Variants in MYO15B observed in about 807,000 individuals in gnomAD.
MYO15B encodes the protein myosin XVB.
Under a neutral mutation model 119.3 loss-of-function variants are expected in MYO15B, and 207 were observed. The observed-to-expected ratio is 1.73, with a 90% CI of 1.55 to 1.95. The LOEUF is 1.95. Ranked by LOEUF, MYO15B falls within the 30% of genes most tolerant of loss-of-function variation. The pLI is 0.00. For missense variants in MYO15B, 2,264 were observed against 1,203.1 expected, an observed-to-expected ratio of 1.88 and a Z score of -13.04; for synonymous variants, 966 against 498.9, an observed-to-expected ratio of 1.94 and a Z score of -12.48.
At chr17:75,625,869 C>T (rs968887005) in exon 62 of MYO15B, 15 of 703,002 alleles carry the variant, frequency 2.1e-5, no homozygotes, top group South Asian at 5.9e-5. Context: ...TGCCCCTCTT[C>T]GGCTACACCG....
At chr17:75,619,246 G>A (rs369909978) in intron 44 of MYO15B, 28 bp downstream of exon 44, 1 of 702,792 alleles carries the variant, frequency 1.4e-6, no homozygotes, top group Non-Finnish European at 2.6e-6. Flanking sequence ...ATGGAGTTGG[G>A]AGCTTGAGTG....
At position 75,603,346 on chromosome 17, in the gene MYO15B, G is replaced by A. The variant is rs1326254515; in HGVS notation, c.4016+34G>A. 5.7e-6 allele frequency: 4 copies of A among 701,168 alleles called. No individual in the cohort carries two copies. In the African/African-American group the frequency reaches 7.0e-5, roughly 12 times the overall value. The allele number at this position is 701,168 out of a possible 1,614,324, so 43.4% of individuals were successfully genotyped here. ...CAGCACCTCGGGGCAGGACTGACAA[G>A]GAGGCCACCGGGAGTGACTGGCAGC... On this transcript the variant is annotated intron_variant, in intron 19 of 63. Transcript: ENST00000645453.
exon 41 of MYO15B, chr17:75,617,115 C>T (rs1173586453): frequency 1.5e-6 from 1 of 677,704 alleles, no homozygotes; most frequent in Non-Finnish European, 2.7e-6. Flanking sequence ...AAAGGGCCCC[C>T]CGCCAGCTGT....
At chr17:75,595,680 T>C (rs2056811526) in intron 12 of MYO15B, among the ~76,000 whole-genome samples, 2 of 152,170 alleles carry the variant, frequency 1.3e-5, no homozygotes, top group Admixed American at 1.3e-4. Context: ...CGTGGCCTTG[T>C]AGAGACGCAG....
rs186114473 is a variant in MYO15B, at chr17:75,614,473, C to T, written c.5382-110C>T. 25 of 663,584 alleles carry T rather than the reference C, an allele frequency of 3.8e-5. No individual in the cohort carries two copies. In the African/African-American group the frequency reaches 4.1e-4, roughly 11 times the overall value. The allele number at this position is 663,584 out of a possible 1,614,324, so 41.1% of individuals were successfully genotyped here. A position where few individuals can be genotyped will look rare whatever the true frequency, so the allele number is the denominator to read the frequency against. The stretch of plus-strand genomic sequence containing the variant: ...CTGCCACAGGCCCAGCCCTCCCACC[C>T]AGCCTCCTCCCAACCATGGGGTGAC... On this transcript the variant is annotated intron_variant, in intron 30 of 63. Coordinates refer to ENST00000645453, the Ensembl canonical transcript of MYO15B.
At chr17:75,621,689 CT>C (rs575884332) in intron 52 of MYO15B, 119 bp downstream of exon 52, 4 of 624,998 alleles carry the variant, frequency 6.4e-6, no homozygotes, top group South Asian at 5.4e-5. Context: ...CTCCGGGAAG[CT>C]CACTGGTGGT....
chr17:75,621,702 C>T (rs1408023100), intron 52 of MYO15B, 132 bp downstream of exon 52: 3 of 615,840 alleles, frequency 4.9e-6, no homozygotes, highest in Non-Finnish European at 8.8e-6. Flanking sequence ...ACTGGTGGTT[C>T]CTGGACCCCA....
chr17:75,615,018 C>A, exon 33 of MYO15B: 1 of 702,948 alleles, frequency 1.4e-6, no homozygotes, highest in Non-Finnish European at 2.6e-6. Context: ...CGCCATTGGG[C>A]CCACACAGCA....
exon 37 of MYO15B, chr17:75,616,102 C>A: frequency 1.7e-6 from 1 of 573,946 alleles, no homozygotes; most frequent in Non-Finnish European, 3.1e-6. Context: ...CAGGCCCTAT[C>A]AGCCCAAGAG....
chr17:75,608,063 T>G (rs375680124), intron 21 of MYO15B, among the ~76,000 whole-genome samples: 1 of 152,140 alleles, frequency 6.6e-6, no homozygotes, highest in East Asian at 1.9e-4. Flanking sequence ...TCTCAGACAT[T>G]AGTGCCACTC....
At position 75,594,597 on chromosome 17, in the gene MYO15B, G is replaced by A. The variant is rs886843244; in HGVS notation, c.3105+9G>A. 5 of 678,202 alleles carry A rather than the reference G, an allele frequency of 7.4e-6. No individual in the cohort carries two copies. The highest frequency in any genetic ancestry group is 1.8e-5 in the African/African-American group (1 of 56,602). 42.0% of individuals were successfully genotyped at this position (678,202 alleles called of 1,614,324 possible). ...TCACCAGGAGGGTCACGGTGAGCCC[G>A]AGGGTCCTGGGGAGAGGGGCCTGGC... On this transcript the variant is annotated intron_variant, in intron 10 of 63. Transcript: ENST00000645453.
At chr17:75,600,579 T>A (rs139324155) in intron 14 of MYO15B, 3 of 147,938 alleles carry the variant, frequency 2.0e-5, no homozygotes, top group African/African-American at 7.3e-5. Flanking sequence ...ATGTTACTTT[T>A]TTCTTTTCTT....
chr17:75,607,098 A>T (rs112488909), intron 21 of MYO15B: 5 of 396,122 alleles, frequency 1.3e-5, no homozygotes, highest in Admixed American at 4.4e-5. Context: ...CCCAGAGAGT[A>T]ACTCGAGGGC....
rs777535037 is a variant in MYO15B at position 75,619,805 on chromosome 17, C to T, written c.7301+6C>T. The T allele has an allele frequency of 6.5e-5, 46 of 702,724 alleles. No individual in the cohort carries two copies. Among genetic ancestry groups the T allele is most frequent in the South Asian group, 6.5e-4 (44 of 67,592 alleles). 43.5% of individuals were successfully genotyped at this position (702,724 alleles called of 1,614,324 possible). On this transcript the variant is annotated splice_donor_region_variant and intron_variant, in intron 46 of 63. Transcript: ENST00000645453. ...AAGATTCTCTGCTCATACAGGTGCG[C>T]TAGCCCACGACCCTGGGCTAGAGGT...
rs1443615303 is a variant in MYO15B, at chr17:75,618,122, C to T, written c.6928-4C>T. On this transcript the variant is annotated splice_polypyrimidine_tract_variant and splice_region_variant and intron_variant, in intron 42 of 63. Coordinates refer to ENST00000645453, the Ensembl canonical transcript of MYO15B. ...GATCTTTGCCCTTCTGTGCCCTCCT[C>T]CAGGTGTTCTACCCACGGGAGAACT... is the stretch of plus-strand genomic sequence containing the variant. The T allele has an allele frequency of 4.3e-6, 3 of 703,280 alleles. No homozygotes were observed. Among genetic ancestry groups the T allele is most frequent in the Admixed American group, 2.0e-5 (1 of 50,022 alleles). The allele number at this position is 703,280 out of a possible 1,614,324, so 43.6% of individuals were successfully genotyped here. A position where few individuals can be genotyped will look rare whatever the true frequency, so the allele number is the denominator to read the frequency against.
In MYO15B at chr17:75,616,507, T is replaced by C. The variant is rs1252732950; in HGVS notation, c.6245-17T>C. ...GGCTCTGCACGCGGTTAACAGTCTT[T>C]CCTGTTTCCTGGTCAGTGCCGTCCC... On this transcript the variant is annotated splice_polypyrimidine_tract_variant and intron_variant, in intron 38 of 63. Transcript: ENST00000645453. 5 of 697,150 alleles carry C rather than the reference T, an allele frequency of 7.2e-6. No individual in the cohort carries two copies. The highest frequency in any genetic ancestry group is 1.3e-5 in the Non-Finnish European group (5 of 381,410). 43.2% of individuals were successfully genotyped at this position (697,150 alleles called of 1,614,324 possible).
intron 23 of MYO15B, 88 bp from the exon 24 acceptor site, chr17:75,611,513 T>C (rs1021920041): frequency 1.5e-6 from 1 of 665,020 alleles, no homozygotes; most frequent in Non-Finnish European, 2.7e-6. Flanking sequence ...GAAGGGATGT[T>C]TATAATCTTG....
intron 12 of MYO15B, among the ~76,000 whole-genome samples, chr17:75,595,287 T>C (rs2056783116): frequency 6.6e-6 from 1 of 152,172 alleles, no homozygotes; most frequent in Non-Finnish European, 1.5e-5. Context: ...CCCACGTTCA[T>C]CCAAGCATGG....
chr17:75,590,804 G>T (rs2056391275), intron 2 of MYO15B, 103 bp from the exon 3 acceptor site: 1 of 202,174 alleles, frequency 4.9e-6, no homozygotes, highest in African/African-American at 2.3e-5. Context: ...GCTAGGCGGT[G>T]AACCCTCTCT....
Sources: gnomAD v4.1 joint callset for allele counts (sites outside exome capture counted in the v4.1 genomes callset) on GRCh38, gnomAD v4.1.1 for gene constraint, MANE v1.5 for transcripts, NCBI Gene and HGNC (gene_info 2026-07-23, HGNC 2026-07-21) for gene names.